The following RASAL2 variants were observed in gnomAD, a reference collection of about 807,000 sequenced individuals.
The protein encoded by RASAL2 is RAS protein activator like 2.
RASAL2 carries 58 observed loss-of-function variants against 128.9 expected under a neutral mutation model. The ratio of observed to expected loss-of-function variants is 0.45; its 90% confidence interval spans 0.36 to 0.56. RASAL2 has a LOEUF of 0.56. Ranked by LOEUF, RASAL2 falls within the 20% of genes least tolerant of loss-of-function variation. The pLI is 0.00. For missense variants in RASAL2, 1,360 were observed against 1,601.6 expected (o/e 0.85, Z 2.57); for synonymous variants, 561 against 580.8 (o/e 0.97, Z 0.49).
chr1:178,221,187 A>C (rs1663601549), intron 1 of RASAL2, among the ~76,000 whole-genome samples: 6 of 152,170 alleles, frequency 3.9e-5, no homozygotes, highest in Admixed American at 3.9e-4. Context: ...TTTGTGGAGC[A>C]TCTTTTCATA....
chr1:178,287,418 A>G (rs777788065), intron 2 of RASAL2, among the ~76,000 whole-genome samples: 2 of 151,960 alleles, frequency 1.3e-5, no homozygotes, highest in Non-Finnish European at 2.9e-5. Flanking sequence ...GATCAATAAA[A>G]TACAATAAAG....
chr1:178,112,422 T>C (rs6425466), intron 1 of RASAL2, among the ~76,000 whole-genome samples: 34,063 of 151,678 alleles, frequency 0.22, 4,351 homozygotes, highest in African/African-American at 0.35. Context: ...TGGTGGTGTG[T>C]GCCTGTAATC....
At chr1:178,198,334 T>G (rs1412630911) in intron 1 of RASAL2, among the ~76,000 whole-genome samples, 2 of 152,198 alleles carry the variant, frequency 1.3e-5, no homozygotes, top group Non-Finnish European at 2.9e-5. Context: ...TGTAAAAGCA[T>G]TCCTATTTCT....
chr1:178,174,809 A>C (rs1474274370), intron 1 of RASAL2, among the ~76,000 whole-genome samples: 1 of 152,168 alleles, frequency 6.6e-6, no homozygotes, highest in African/African-American at 2.4e-5. Flanking sequence ...TGGTTCCTTC[A>C]TGTGCTAAAT....
At chr1:178,293,129 T>C (rs1485682160) in intron 2 of RASAL2, among the ~76,000 whole-genome samples, 1 of 152,208 alleles carries the variant, frequency 6.6e-6, no homozygotes, top group Non-Finnish European at 1.5e-5. Context: ...TGTTATTCAC[T>C]GTGTTAGGAG....
At chr1:178,393,259 A>G (rs1015605872) in intron 4 of RASAL2, among the ~76,000 whole-genome samples, 4 of 152,200 alleles carry the variant, frequency 2.6e-5, no homozygotes, top group African/African-American at 7.2e-5. Context: ...GTTGTAATAT[A>G]TAATGAAATA....
chr1:178,208,470 G>A (rs1163306645), intron 1 of RASAL2, among the ~76,000 whole-genome samples: 1 of 152,078 alleles, frequency 6.6e-6, no homozygotes, highest in Non-Finnish European at 1.5e-5. Flanking sequence ...GCTTACTAGG[G>A]TGGGAAAAAA....
intron 1 of RASAL2, among the ~76,000 whole-genome samples, chr1:178,199,827 G>C (rs1460669517): frequency 1.3e-5 from 2 of 152,176 alleles, no homozygotes; most frequent in African/African-American, 4.8e-5. Context: ...TTTTGAGTCA[G>C]TGGACTGAGA....
chr1:178,207,131 A>G (rs1264924995), intron 1 of RASAL2, among the ~76,000 whole-genome samples: 1 of 144,738 alleles, frequency 6.9e-6, no homozygotes, highest in African/African-American at 2.6e-5. Context: ...GCAGTGGGTG[A>G]CAGAGTGAGA....
intron 1 of RASAL2, among the ~76,000 whole-genome samples, chr1:178,278,201 G>C (rs1053270585): frequency 5.3e-5 from 8 of 152,096 alleles, no homozygotes; most frequent in African/African-American, 1.4e-4. Flanking sequence ...CCTCCACCCC[G>C]TCCTGCTAGT....
rs944218869 is a variant in RASAL2, at chr1:178,420,493, T to C, written c.565-18T>C. On this transcript the variant is annotated intron_variant, in intron 4 of 17. Transcript: ENST00000367649. The stretch of plus-strand genomic sequence containing the variant: ...CCTTTTGGTTCTCTCTCCCATCACC[T>C]TCTGCCTTTCCTTCTAGGGATTCTT... The C allele has an allele frequency of 5.1e-6, 8 of 1,562,108 alleles. No homozygotes were observed. Among genetic ancestry groups the C allele is most frequent in the Non-Finnish European group, 7.0e-6 (8 of 1,136,240 alleles).
chr1:178,452,427 G>A lies in RASAL2; in HGVS notation c.1784G>A (p.Arg595His), dbSNP rs377625884. 15 of 1,613,672 alleles carry A rather than the reference G, an allele frequency of 9.3e-6. No individual in the cohort carries two copies. The highest frequency in any genetic ancestry group is 6.6e-5 in the South Asian group (6 of 91,074). ...CTTTCCTTCCCTAGTGTTTTCCCTC[G>A]TGAGTTGAAAGAAGTGTTTGCATCA... ...KIINSYCVFP[R>H]ELKEVFASWK... The change falls in exon 11 of 18, where the codon CGT becomes CAT. Residue 595 changes from arginine (R) to histidine (H), a missense_variant. Arg to His is a conservative substitution (Grantham distance 29, BLOSUM62 0). Coordinates refer to ENST00000367649, the MANE Select transcript of RASAL2 (RefSeq NM_170692.4).
intron 1 of RASAL2, among the ~76,000 whole-genome samples, chr1:178,154,514 A>G (rs541885381): frequency 1.3e-5 from 2 of 152,294 alleles, no homozygotes; most frequent in East Asian, 3.9e-4. Context: ...TTACACTCCT[A>G]TTAGCAGTGT....
chr1:178,113,911 A>C (rs1301753212), intron 1 of RASAL2, among the ~76,000 whole-genome samples: 1 of 152,104 alleles, frequency 6.6e-6, no homozygotes, highest in Non-Finnish European at 1.5e-5. Context: ...TTTACCTTTA[A>C]GTATTTCATA....
At chr1:178,347,053 A>G (rs1670190760) in intron 3 of RASAL2, among the ~76,000 whole-genome samples, 1 of 152,128 alleles carries the variant, frequency 6.6e-6, no homozygotes, top group Non-Finnish European at 1.5e-5. Flanking sequence ...CCAGGCTTTC[A>G]TCTGGTCTTT....
chr1:178,294,406 G>T (rs1449065397), intron 2 of RASAL2, among the ~76,000 whole-genome samples: 3 of 152,162 alleles, frequency 2.0e-5, no homozygotes, highest in Non-Finnish European at 4.4e-5. Context: ...TTTGCATTTT[G>T]GAACTATTAT....
At position 178,452,805 on chromosome 1, in the gene RASAL2, C is replaced by G. The variant is rs145445998; in HGVS notation, c.2009+153C>G. Among the ~76,000 whole-genome samples the G allele has an allele frequency of 3.7e-4, 57 of 152,148 alleles. 1 individual carries two copies. Among genetic ancestry groups the G allele is most frequent in the Admixed American group, 9.2e-4 (14 of 15,280 alleles). On this transcript the variant is annotated intron_variant, in intron 11 of 17. Coordinates refer to ENST00000367649, the MANE Select transcript of RASAL2 (RefSeq NM_170692.4). ...AGCAAAAAAATGGAAACAACTTAATCACTTCATAGAGGAATGGTTAAGTAA... is the reference window on the plus strand; with the variant it reads ...AGCAAAAAAATGGAAACAACTTAATGACTTCATAGAGGAATGGTTAAGTAA...
chr1:178,171,154 C>T (rs2101911236), intron 1 of RASAL2, among the ~76,000 whole-genome samples: 1 of 151,942 alleles, frequency 6.6e-6, no homozygotes, highest in African/African-American at 2.4e-5. Flanking sequence ...TATGTCTGTG[C>T]CATCCAAAAG....
intron 1 of RASAL2, among the ~76,000 whole-genome samples, chr1:178,115,586 T>A (rs183970584): frequency 6.6e-6 from 1 of 152,340 alleles, no homozygotes; most frequent in Admixed American, 6.5e-5. Context: ...TGAGGAACTC[T>A]GAATAAAGGC....
Sources: gnomAD v4.1 joint callset for allele counts (sites outside exome capture counted in the v4.1 genomes callset) on GRCh38, gnomAD v4.1.1 for gene constraint, MANE v1.5 for transcripts, NCBI Gene and HGNC (gene_info 2026-07-23, HGNC 2026-07-21) for gene names.